KIR2DL4: variants seen among roughly 807,000 people sequenced by gnomAD.
KIR2DL4 encodes the protein killer cell immunoglobulin like receptor, two Ig domains and long cytoplasmic tail 4.
In KIR2DL4, 41 loss-of-function variants were observed where a neutral mutation model predicts 31.0. The ratio of observed to expected loss-of-function variants is 1.32; its 90% CI spans 1.03 to 1.72. The LOEUF is 1.72. Among genes scored for constraint, KIR2DL4 ranks in the 40% most tolerant of loss-of-function variants. KIR2DL4 has a pLI of 0.00. For synonymous variants in KIR2DL4, 164 were observed against 133.6 expected, an observed-to-expected ratio of 1.23 and a Z score of -1.57; for missense variants, 438 against 353.7, an observed-to-expected ratio of 1.24 and a Z score of -1.91.
At chr19:54,814,197 C>G in exon 8 of KIR2DL4, 6 of 1,437,150 alleles carry the variant, frequency 4.2e-6, no homozygotes, top group Non-Finnish European at 4.8e-6. Flanking sequence ...TCTAAGGTCC[C>G]CACTGCCTGC....
At chr19:54,803,658 A>G in exon 1 of KIR2DL4, 7 of 1,612,098 alleles carry the variant, frequency 4.3e-6, no homozygotes, top group Non-Finnish European at 5.9e-6. Context: ...CACCATGTCC[A>G]TGTCACCCAC....
At chr19:54,814,371 C>G in exon 8 of KIR2DL4, 1 of 496,156 alleles carries the variant, frequency 2.0e-6, no homozygotes, top group Admixed American at 3.5e-5. Context: ...CTTAACACGG[C>G]ACTTAGACAC....
At chr19:54,804,151 A>AGTAAGAGGAGATCC (rs2060352323) in intron 2 of KIR2DL4, among the ~76,000 whole-genome samples, 11 of 150,424 alleles carry the variant, frequency 7.3e-5, no homozygotes, top group East Asian at 1.9e-4. Flanking sequence ...AGATCCTGGT[A>AGTAAGAGGAGATCC]TGCTCAGCCC....
At chr19:54,805,991 C>T in exon 4 of KIR2DL4, 4 of 1,610,116 alleles carry the variant, frequency 2.5e-6, no homozygotes, top group Non-Finnish European at 3.4e-6. Context: ...GGCCGGGCCC[C>T]ACGGTTCGCG....
At chr19:54,812,272 A>G (rs1282253778) in intron 5 of KIR2DL4, among the ~76,000 whole-genome samples, 3 of 151,320 alleles carry the variant, frequency 2.0e-5, no homozygotes, top group African/African-American at 7.3e-5. Context: ...TTTCAGGGTG[A>G]GCCAGTCCCT....
rs749648141 is a variant in KIR2DL4, at chr19:54,806,061, T to A, written c.472T>A (p.Ser158Thr). 36 of 1,611,648 alleles carry A rather than the reference T, an allele frequency of 2.2e-5. 1 individual carries two copies. The highest frequency in any genetic ancestry group is 2.8e-5 in the Non-Finnish European group (33 of 1,179,498). ...GAGCTCCTTTGACATCTACCATCTATCCAGGGAGGGGGAAGCCCATGAACT... is the reference window on the plus strand; with the variant it reads ...GAGCTCCTTTGACATCTACCATCTAACCAGGGAGGGGGAAGCCCATGAACT... Residue 158 changes from serine to threonine, a missense_variant, in exon 4 of 8, where the codon TCC becomes ACC. Ser to Thr is a moderately conservative substitution (Grantham distance 58). Coordinates refer to ENST00000359085, the Ensembl canonical transcript of KIR2DL4.
At chr19:54,805,155 G>T (rs766296177) in intron 3 of KIR2DL4, 78 bp downstream of exon 3, 27 of 1,384,154 alleles carry the variant, frequency 2.0e-5, no homozygotes, top group Non-Finnish European at 1.8e-5. Flanking sequence ...GTCCACCAGA[G>T]TCCGATCATC....
At chr19:54,810,768 C>G (rs1396043162) in intron 5 of KIR2DL4, among the ~76,000 whole-genome samples, 2 of 151,284 alleles carry the variant, frequency 1.3e-5, no homozygotes, top group South Asian at 4.2e-4. Flanking sequence ...TCGGGGCTAA[C>G]TGGGAATCCC....
chr19:54,809,241 G>T (rs1569379371), intron 5 of KIR2DL4, among the ~76,000 whole-genome samples: 1 of 150,274 alleles, frequency 6.7e-6, no homozygotes, highest in Non-Finnish European at 1.5e-5. Flanking sequence ...TGGTGTATTT[G>T]TAGAGAAGTT....
chr19:54,803,795 TGA>T, intron 1 of KIR2DL4, 94 bp from the exon 2 acceptor site: 1 of 1,563,264 alleles, frequency 6.4e-7, no homozygotes, highest in Non-Finnish European at 8.8e-7. Flanking sequence ...GTGGTGAGGA[TGA>T]GTTAATTTTC....
chr19:54,814,217 A>G lies in KIR2DL4; in HGVS notation c.*417A>G, dbSNP rs1161749494. ...GGTCCCCACTGCCTGCTGCAGAGAA[A>G]ACACACTCCTTTGCTTAGCCCACAA... On this transcript the variant is annotated 3_prime_UTR_variant, in exon 8 of 8. Coordinates refer to ENST00000359085, the Ensembl canonical transcript of KIR2DL4. 1,805 of 1,208,642 alleles carry G rather than the reference A, an allele frequency of 1.5e-3. 2 individuals carry two copies. Among genetic ancestry groups the G allele is most frequent in the Middle Eastern group, 5.1e-3 (20 of 3,924 alleles). 74.9% of individuals were successfully genotyped at this position (1,208,642 alleles called of 1,614,324 possible).
intron 4 of KIR2DL4, 123 bp downstream of exon 4, chr19:54,806,367 T>C (rs373463555): frequency 0.08 from 91,266 of 1,139,862 alleles, 7,187 homozygotes; most frequent in African/African-American, 0.31. Flanking sequence ...GGTGTGAGGG[T>C]GGGATCAGGG....
At chr19:54,807,699 A>G (rs1385081452) in intron 4 of KIR2DL4, among the ~76,000 whole-genome samples, 1 of 149,290 alleles carries the variant, frequency 6.7e-6, no homozygotes, top group East Asian at 2.0e-4. Flanking sequence ...CAGCCTCCCA[A>G]GGTGCTGGGA....
intron 5 of KIR2DL4, among the ~76,000 whole-genome samples, chr19:54,811,394 T>C (rs1202427015): frequency 1.3e-5 from 2 of 151,116 alleles, no homozygotes; most frequent in Non-Finnish European, 2.9e-5. Flanking sequence ...TGAGACTCCA[T>C]GGCAAAAAAT....
intron 7 of KIR2DL4, 46 bp from the exon 7 acceptor site, chr19:54,813,796 G>C (rs1478732892): frequency 6.2e-7 from 1 of 1,611,604 alleles, no homozygotes; most frequent in Non-Finnish European, 8.5e-7. Context: ...AAATAGTCCT[G>C]AAAAATGTGA....
rs758841642 is a variant in KIR2DL4, at chr19:54,808,394, G to A, written c.656-439G>A. 1.5e-3 allele frequency among the ~76,000 whole-genome samples: 234 copies of A among 151,400 alleles called. 6 individuals are homozygous for A. Among genetic ancestry groups the A allele is most frequent in the Non-Finnish European group, 1.6e-3 (107 of 67,960 alleles). Reference sequence around the variant, plus strand: ...TTTTTGTGTATGGTGAGAGGTAGAGGTGCAGTTTCATCCCTCTGCATGTAG... The same window carrying A: ...TTTTTGTGTATGGTGAGAGGTAGAGATGCAGTTTCATCCCTCTGCATGTAG... On this transcript the variant is annotated intron_variant, in intron 4 of 7. Transcript: ENST00000359085.
intron 5 of KIR2DL4, among the ~76,000 whole-genome samples, chr19:54,809,484 C>T (rs2060726596): frequency 6.6e-6 from 1 of 151,148 alleles, no homozygotes; most frequent in South Asian, 2.1e-4. Context: ...AAAAATATCT[C>T]ATGGTGCTGT....
Position 54,814,136 on chromosome 19 carries a change from A to ATCACTCT in KIR2DL4, c.*339_*345dup, listed in dbSNP as rs1187121924. On this transcript the variant is annotated 3_prime_UTR_variant, in exon 8 of 8. Transcript: ENST00000359085. The stretch of plus-strand genomic sequence containing the variant: ...AAGGCGTGAGTCTCCATCTTAGAGC[A>ATCACTCT]TCACTCTTCCTCACACCACAAATCT... 3 of 1,605,658 alleles carry ATCACTCT rather than the reference A, an allele frequency of 1.9e-6. No homozygotes were observed. The South Asian group carries it at 3.3e-5, about 18-fold the overall frequency.
At chr19:54,806,899 C>G (rs2060565811) in intron 4 of KIR2DL4, among the ~76,000 whole-genome samples, 1 of 150,826 alleles carries the variant, frequency 6.6e-6, no homozygotes. Flanking sequence ...CCTATAATCC[C>G]AGCAACTTGG....
Sources: allele counts gnomAD v4.1 joint callset (sites outside exome capture counted in the v4.1 genomes callset), GRCh38; gene constraint gnomAD v4.1.1; transcripts MANE v1.5; gene names NCBI Gene and HGNC (gene_info 2026-07-23, HGNC 2026-07-21).